The following MICAL3 variants were observed in gnomAD, a reference collection of about 807,000 sequenced individuals.
The protein encoded by MICAL3 is [F-actin]-monooxygenase MICAL3.
A neutral mutation model predicts 207.4 loss-of-function variants in MICAL3; 62 were observed. The ratio of observed to expected loss-of-function variants is 0.30; its 90% CI spans 0.24 to 0.37. The LOEUF (loss-of-function observed/expected upper bound fraction) is 0.37, where lower values mean the gene tolerates loss of function less well. MICAL3 is among the 10% of genes least tolerant of loss of function. The pLI, the probability that MICAL3 is intolerant of heterozygous loss-of-function variation, is 1.00. For missense variants in MICAL3, 2,368 were observed against 2,635.6 expected, an observed-to-expected ratio of 0.90 and a Z score of 2.22; for synonymous variants, 1,077 against 1,069.3, an observed-to-expected ratio of 1.01 and a Z score of -0.14.
At chr22:17,791,699 T>A (rs149144918) in intron 29 of MICAL3, 3 of 213,766 alleles carry the variant, frequency 1.4e-5, no homozygotes, top group African/African-American at 6.9e-5. Context: ...ACGAGACAAA[T>A]GTGAATTTGT....
intron 1 of MICAL3, among the ~76,000 whole-genome samples, chr22:17,945,098 G>T (rs191546658): frequency 6.7e-6 from 1 of 149,960 alleles, no homozygotes; most frequent in African/African-American, 2.5e-5. Context: ...GCTGGACTCA[G>T]TCTATACCTA....
chr22:17,833,852 A>G (rs574324788), intron 20 of MICAL3, among the ~76,000 whole-genome samples: 1 of 152,296 alleles, frequency 6.6e-6, no homozygotes, highest in African/African-American at 2.4e-5. Context: ...ATCGTCACAC[A>G]TCGAGACCAA....
intron 19 of MICAL3, among the ~76,000 whole-genome samples, chr22:17,850,298 C>A (rs1454466116): frequency 5.3e-5 from 8 of 151,958 alleles, no homozygotes; most frequent in African/African-American, 1.9e-4. Context: ...GCCGAGGACA[C>A]CCCTGCAGTG....
At chr22:17,843,081 A>G (rs1243941105) in intron 19 of MICAL3, among the ~76,000 whole-genome samples, 2 of 141,126 alleles carry the variant, frequency 1.4e-5, no homozygotes, top group Non-Finnish European at 3.0e-5. Context: ...AGATTGCGCC[A>G]CTGCACTCCA....
At chr22:17,950,083 G>C (rs1047139644) in intron 1 of MICAL3, among the ~76,000 whole-genome samples, 1 of 152,262 alleles carries the variant, frequency 6.6e-6, no homozygotes, top group South Asian at 2.1e-4. Context: ...CAGGAAGAGA[G>C]GAAACAGTGT....
At chr22:17,803,113 C>T (rs1048563892) in intron 29 of MICAL3, among the ~76,000 whole-genome samples, 8 of 152,178 alleles carry the variant, frequency 5.3e-5, no homozygotes, top group Non-Finnish European at 1.2e-4. Context: ...TGGGGCAGGG[C>T]CTGAGGCTGT....
intron 16 of MICAL3, among the ~76,000 whole-genome samples, chr22:17,877,213 T>C (rs1443329552): frequency 9.4e-6 from 1 of 106,884 alleles, no homozygotes; most frequent in Non-Finnish European, 1.9e-5. Flanking sequence ...GTTATGGAGG[T>C]TATGGAGGTT....
intron 1 of MICAL3, among the ~76,000 whole-genome samples, chr22:17,971,109 G>A (rs9617646): frequency 0.05 from 7,615 of 152,196 alleles, 362 homozygotes; most frequent in African/African-American, 0.12. Flanking sequence ...CCCCAGAGGC[G>A]GAGGTCGCAG....
intron 1 of MICAL3, among the ~76,000 whole-genome samples, chr22:17,967,567 G>A (rs2146401052): frequency 6.6e-6 from 1 of 152,122 alleles, no homozygotes; most frequent in South Asian, 2.1e-4. Context: ...AAAGGTTAAG[G>A]ACAGGCTTCT....
At position 17,817,723 on chromosome 22, in the gene MICAL3, C is replaced by T. The variant is rs574754671; in HGVS notation, c.4938G>A (p.Arg1646=). Reference sequence around the variant, plus strand: ...GAGTGGGGCGTGTGGGGGAGTCAGGCCGGCGCTCCTTGCCCTGGGAGGGTG... The same window carrying T: ...GAGTGGGGCGTGTGGGGGAGTCAGGTCGGCGCTCCTTGCCCTGGGAGGGTG... ...SSAPSQGKER[R]PDSPTRPTLR... is the part of the protein sequence containing the mutation. Residue 1646 remains arginine, a synonymous_variant, in exon 26 of 32, where the codon CGG becomes CGA. Coordinates refer to ENST00000441493, the MANE Select transcript of MICAL3 (RefSeq NM_015241.3). 1 of 1,591,564 alleles carries T rather than the reference C, an allele frequency of 6.3e-7. No individual in the cohort carries two copies. The highest frequency in any genetic ancestry group is 1.1e-5 in the South Asian group (1 of 88,056).
chr22:17,876,856 TG>T (rs1928523298), intron 16 of MICAL3: 5 of 25,564 alleles, frequency 2.0e-4, no homozygotes, highest in African/African-American at 8.4e-4. Context: ...AGGGAGGTTA[TG>T]GAGGTTAGGG....
intron 16 of MICAL3, chr22:17,875,656 G>T: frequency 5.1e-5 from 19 of 369,368 alleles, no homozygotes; most frequent in Non-Finnish European, 7.2e-5. Flanking sequence ...TTTTACTCTA[G>T]ACCTTTATCT....
chr22:17,846,805 C>A (rs9618143), intron 19 of MICAL3, among the ~76,000 whole-genome samples: 2,420 of 152,308 alleles, frequency 0.016, 40 homozygotes, highest in South Asian at 0.054. Flanking sequence ...TAAGTCAGGG[C>A]AGGCAGCTCT....
rs561642573 is a variant in MICAL3, at chr22:17,850,871, C to T, written c.2606-8854G>A. Among the ~76,000 whole-genome samples, 4 of 152,330 alleles carry T rather than the reference C, an allele frequency of 2.6e-5. No individual in the cohort carries two copies. In the East Asian group the frequency reaches 7.7e-4, roughly 29 times the overall value. On this transcript the variant is annotated intron_variant, in intron 19 of 31. Transcript: ENST00000441493. ...AGCCCGACTCTCCAGTAACATACAA[C>T]TCACCAGTGTGTCATGCGGCTCTCC...
chr22:17,969,815 G>A (rs1183038278), intron 1 of MICAL3, among the ~76,000 whole-genome samples: 1 of 152,232 alleles, frequency 6.6e-6, no homozygotes, highest in Non-Finnish European at 1.5e-5. Context: ...ATGGGTGCAT[G>A]CTTCCTCATG....
intron 16 of MICAL3, among the ~76,000 whole-genome samples, chr22:17,876,256 G>A (rs900389193): frequency 6.6e-6 from 1 of 152,204 alleles, no homozygotes; most frequent in African/African-American, 2.4e-5. Flanking sequence ...AGAGATTGAG[G>A]CAGTGACCGA....
chr22:17,980,776 C>T (rs963369379), intron 1 of MICAL3: 41 of 466,640 alleles, frequency 8.8e-5, no homozygotes, highest in African/African-American at 6.7e-4. Context: ...TATCATTCCG[C>T]GGCAGCAAAC....
rs1281305260 is a variant in MICAL3, at chr22:17,899,386, T to C, written c.948+62A>G. The C allele has an allele frequency of 3.7e-6, 4 of 1,092,932 alleles. No homozygotes were observed. The East Asian group carries it at 1.0e-4, about 28-fold the overall frequency. The allele number at this position is 1,092,932 out of a possible 1,614,324, so 67.7% of individuals were successfully genotyped here. A position where few individuals can be genotyped will look rare whatever the true frequency, so the allele number is the denominator to read the frequency against. Reference sequence around the variant, plus strand: ...GCAGGAAAAACCCATCAGACAATTCTTTCTCTTGGTGATATTAACCACTTC... The same window carrying C: ...GCAGGAAAAACCCATCAGACAATTCCTTCTCTTGGTGATATTAACCACTTC... On this transcript the variant is annotated intron_variant, in intron 7 of 31. Coordinates refer to ENST00000441493, the MANE Select transcript of MICAL3 (RefSeq NM_015241.3).
rs1298402421 is a variant in MICAL3, at chr22:17,817,200, G to A, written c.5350+111C>T. ...CCTTCTCCAGGTCAGCACGGCTCCT[G>A]AGAACCCTCGGCGGGGAGCGTGTGA... On this transcript the variant is annotated intron_variant, in intron 26 of 31. Coordinates refer to ENST00000441493, the MANE Select transcript of MICAL3 (RefSeq NM_015241.3). 7 of 1,346,210 alleles carry A rather than the reference G, an allele frequency of 5.2e-6. No individual in the cohort carries two copies. The South Asian group carries it at 7.5e-5, about 14-fold the overall frequency. The allele number at this position is 1,346,210 out of a possible 1,614,324, so 83.4% of individuals were successfully genotyped here.
Sources: gnomAD v4.1 joint callset for allele counts (sites outside exome capture counted in the v4.1 genomes callset) on GRCh38, gnomAD v4.1.1 for gene constraint, MANE v1.5 for transcripts, NCBI Gene and HGNC (gene_info 2026-07-23, HGNC 2026-07-21) for gene names.